Variants in SPEF2 observed in about 807,000 individuals in gnomAD.
SPEF2 encodes the protein sperm flagellar and cilia associated 2.
SPEF2 carries 187 observed loss-of-function variants against 224.6 expected under a neutral mutation model. That is an observed-to-expected ratio of 0.83 (90% CI 0.74 to 0.94). SPEF2 has a LOEUF of 0.94. Ranked by LOEUF, SPEF2 falls within the 40% of genes least tolerant of loss-of-function variation. SPEF2 has a pLI of 0.00. For synonymous variants in SPEF2, 715 were observed against 707.3 expected, an observed-to-expected ratio of 1.01 and a Z score of -0.17; for missense variants, 2,170 against 2,135.6, an observed-to-expected ratio of 1.02 and a Z score of -0.32.
At chr5:35,728,899 CT>C (rs1745132063) in intron 21 of SPEF2, among the ~76,000 whole-genome samples, 1 of 151,834 alleles carries the variant, frequency 6.6e-6, no homozygotes, top group Non-Finnish European at 1.5e-5. Context: ...GGTTCAAAAA[CT>C]TACCATAGAA....
chr5:35,655,541 T>G (rs1748848047), intron 7 of SPEF2, among the ~76,000 whole-genome samples: 1 of 152,172 alleles, frequency 6.6e-6, no homozygotes. Flanking sequence ...GAAGTCCACC[T>G]GGCTTGCTTC....
intron 1 of SPEF2, among the ~76,000 whole-genome samples, chr5:35,621,025 T>G (rs1373610484): frequency 6.6e-6 from 1 of 152,218 alleles, no homozygotes; most frequent in Non-Finnish European, 1.5e-5. Context: ...TATATATCTC[T>G]GTTATCTGGC....
chr5:35,759,755 T>C, intron 25 of SPEF2, 36 bp downstream of exon 25: 1 of 1,477,642 alleles, frequency 6.8e-7, no homozygotes, highest in Non-Finnish European at 9.1e-7. Flanking sequence ...GTAATTGTTT[T>C]GAACATAAAG....
chr5:35,679,722 T>G (rs568451445), intron 10 of SPEF2, among the ~76,000 whole-genome samples: 38 of 152,266 alleles, frequency 2.5e-4, no homozygotes, highest in Non-Finnish European at 3.4e-4. Flanking sequence ...TCAGCCCAGG[T>G]GCTTGGATTT....
At chr5:35,783,469 G>A (rs1400280171) in intron 30 of SPEF2, among the ~76,000 whole-genome samples, 1 of 152,144 alleles carries the variant, frequency 6.6e-6, no homozygotes. Flanking sequence ...ATAGCACATA[G>A]AATGTGCAAT....
chr5:35,716,309 C>A (rs1742559995), intron 20 of SPEF2, among the ~76,000 whole-genome samples: 1 of 152,102 alleles, frequency 6.6e-6, no homozygotes, highest in Admixed American at 6.6e-5. Context: ...GCTCAGCTCT[C>A]ACTTGTTTAC....
chr5:35,694,194 G>A (rs1253407081), intron 12 of SPEF2, 94 bp from the exon 13 acceptor site: 2 of 909,314 alleles, frequency 2.2e-6, no homozygotes, highest in Admixed American at 5.0e-5. Context: ...TATTGTATTT[G>A]TTCTCAAACC....
intron 4 of SPEF2, 109 bp downstream of exon 4, chr5:35,644,634 C>G: frequency 1.3e-6 from 1 of 785,036 alleles, no homozygotes; most frequent in Non-Finnish European, 1.9e-6. Context: ...AGTTGCACTT[C>G]CCTGATGCAT....
At chr5:35,788,130 G>A in intron 30 of SPEF2, 1 of 702,936 alleles carries the variant, frequency 1.4e-6, no homozygotes, top group Non-Finnish European at 2.6e-6. Context: ...CATCATCTCA[G>A]CGAGGCTCAT....
chr5:35,683,231 G>A (rs1011189179), intron 10 of SPEF2, among the ~76,000 whole-genome samples: 7 of 152,108 alleles, frequency 4.6e-5, no homozygotes, highest in South Asian at 4.1e-4. Context: ...GTAGGCCCAC[G>A]TGATCTGTAA....
chr5:35,738,667 C>A (rs1463530922), intron 21 of SPEF2, among the ~76,000 whole-genome samples: 1 of 151,270 alleles, frequency 6.6e-6, no homozygotes, highest in Non-Finnish European at 1.5e-5. Flanking sequence ...GTTTGCTCAA[C>A]TTTAATTTTT....
intron 8 of SPEF2, among the ~76,000 whole-genome samples, chr5:35,664,731 AGG>A (rs1750217485): frequency 7.0e-6 from 1 of 143,834 alleles, no homozygotes; most frequent in African/African-American, 2.5e-5. Flanking sequence ...AGGGAGAGAG[AGG>A]GAGAGGGAGA....
intron 30 of SPEF2, chr5:35,789,555 A>C (rs988097316): frequency 2.4e-5 from 16 of 654,982 alleles, no homozygotes; most frequent in African/African-American, 2.0e-4. Context: ...TAACTGCCTC[A>C]GAGGGAAAGA....
intron 18 of SPEF2, among the ~76,000 whole-genome samples, chr5:35,706,070 A>G (rs1180412125): frequency 6.6e-6 from 1 of 151,686 alleles, no homozygotes; most frequent in African/African-American, 2.4e-5. Context: ...CAAGAAAAAA[A>G]CCCAGCAGAG....
In SPEF2 at chr5:35,740,043, T is replaced by C. The variant is rs376437026; in HGVS notation, c.3188T>C (p.Ile1063Thr). 1 of 1,613,932 alleles carries C rather than the reference T, an allele frequency of 6.2e-7. No individual in the cohort carries two copies. The highest frequency in any genetic ancestry group is 1.3e-5 in the African/African-American group (1 of 74,886). The change falls in exon 22 of 37, where the codon ATT becomes ACT. Residue 1063 changes from isoleucine to threonine, a missense_variant. Coordinates refer to ENST00000356031, the MANE Select transcript of SPEF2 (RefSeq NM_024867.4). ...QHTVLAYLYE[I>T]RTSFQEFLKR... ...ACTGTGCTTGCTTACTTATATGAGA[T>C]TAGGTAAGTAATGTTTCCAAAGTCA...
intron 13 of SPEF2, among the ~76,000 whole-genome samples, chr5:35,695,170 A>G (rs1169930714): frequency 1.3e-5 from 2 of 152,038 alleles, no homozygotes; most frequent in African/African-American, 2.4e-5. Flanking sequence ...TTAAGAGATA[A>G]TTTTAGTTGA....
intron 18 of SPEF2, among the ~76,000 whole-genome samples, chr5:35,707,345 A>T (rs1281906687): frequency 1.3e-5 from 2 of 152,218 alleles, no homozygotes; most frequent in African/African-American, 2.4e-5. Flanking sequence ...GATAGGACTT[A>T]AAGAGACTTA....
At chr5:35,727,857 A>C (rs767522584) in intron 21 of SPEF2, 34 bp downstream of exon 21, 27 of 1,599,880 alleles carry the variant, frequency 1.7e-5, no homozygotes, top group Non-Finnish European at 2.2e-5. Context: ...GGCAGAATTC[A>C]TTCTTTCTCC....
At chr5:35,708,786 C>T (rs1464016957) in intron 18 of SPEF2, among the ~76,000 whole-genome samples, 162 bp from the exon 19 acceptor site, 2 of 54,448 alleles carry the variant, frequency 3.7e-5, no homozygotes, top group East Asian at 1.0e-3. Flanking sequence ...GACTTGAAAT[C>T]TTAGCTTTAA....
Sources: allele counts gnomAD v4.1 joint callset (sites outside exome capture counted in the v4.1 genomes callset), GRCh38; gene constraint gnomAD v4.1.1; transcripts MANE v1.5; gene names NCBI Gene and HGNC (gene_info 2026-07-23, HGNC 2026-07-21).